FHIT: variants seen among roughly 807,000 people sequenced by gnomAD.
FHIT encodes the protein fragile histidine triad diadenosine triphosphatase, also known as bis(5'-adenosyl)-triphosphatase.
FHIT carries 19 observed loss-of-function variants against 17.9 expected under a neutral mutation model. The observed-to-expected ratio is 1.06, with a 90% CI of 0.74 to 1.56. FHIT has a LOEUF of 1.56. Ranked by LOEUF, FHIT falls within the 40% of genes most tolerant of loss-of-function variation. The pLI, the probability that FHIT is intolerant of heterozygous loss-of-function variation, is 0.00. For missense variants in FHIT, 248 were observed against 189.2 expected, an observed-to-expected ratio of 1.31 and a Z score of -1.82; for synonymous variants, 81 against 69.7, an observed-to-expected ratio of 1.16 and a Z score of -0.81.
intron 4 of FHIT, among the ~76,000 whole-genome samples, chr3:60,731,044 T>C (rs993206900): frequency 1.3e-5 from 2 of 151,738 alleles, no homozygotes; most frequent in Non-Finnish European, 2.9e-5. Flanking sequence ...GGCAGGAGAA[T>C]TGCTTGAACT....
intron 4 of FHIT, among the ~76,000 whole-genome samples, chr3:60,637,411 G>T (rs782723153): frequency 1.3e-5 from 2 of 152,012 alleles, no homozygotes; most frequent in Non-Finnish European, 2.9e-5. Flanking sequence ...ACTCAATATG[G>T]TACCTCACAT....
At chr3:60,501,368 A>G (rs1237849631) in intron 5 of FHIT, among the ~76,000 whole-genome samples, 1 of 152,226 alleles carries the variant, frequency 6.6e-6, no homozygotes, top group African/African-American at 2.4e-5. Flanking sequence ...CCAGAGTTGC[A>G]ATACTATCCC....
At chr3:59,830,087 C>T (rs967292994) in intron 8 of FHIT, among the ~76,000 whole-genome samples, 1 of 151,908 alleles carries the variant, frequency 6.6e-6, no homozygotes, top group Non-Finnish European at 1.5e-5. Flanking sequence ...CAAAGCAAAA[C>T]AAAACAACCC....
At chr3:61,193,104 TA>T (rs1205921549) in intron 2 of FHIT, among the ~76,000 whole-genome samples, 1 of 152,192 alleles carries the variant, frequency 6.6e-6, no homozygotes, top group East Asian at 1.9e-4. Context: ...CAAAAAAGCC[TA>T]AATTCATTGA....
intron 5 of FHIT, among the ~76,000 whole-genome samples, chr3:60,270,881 A>G (rs1007435767): frequency 6.6e-6 from 1 of 152,234 alleles, no homozygotes; most frequent in Admixed American, 6.5e-5. Context: ...CACAGTGCAC[A>G]GCAGACTGAC....
chr3:60,828,154 G>A (rs1280810863), intron 3 of FHIT, among the ~76,000 whole-genome samples: 1 of 152,048 alleles, frequency 6.6e-6, no homozygotes, highest in Non-Finnish European at 1.5e-5. Flanking sequence ...TTATTAGGGG[G>A]ATTCAGTGAG....
intron 3 of FHIT, among the ~76,000 whole-genome samples, chr3:60,907,426 T>A (rs1322540319): frequency 6.6e-6 from 1 of 152,028 alleles, no homozygotes; most frequent in African/African-American, 2.4e-5. Context: ...AGAGACAAAA[T>A]AACTAAGTGA....
chr3:60,565,706 A>G (rs994981457), intron 4 of FHIT, among the ~76,000 whole-genome samples: 1 of 152,208 alleles, frequency 6.6e-6, no homozygotes, highest in Non-Finnish European at 1.5e-5. Context: ...CTTTTCAAAA[A>G]ACCAGCTCCT....
At chr3:59,851,300 A>G (rs1243183946) in intron 8 of FHIT, among the ~76,000 whole-genome samples, 1 of 152,232 alleles carries the variant, frequency 6.6e-6, no homozygotes, top group Non-Finnish European at 1.5e-5. Flanking sequence ...AATGTCAGGT[A>G]AAATGTAATA....
At chr3:60,503,238 C>T (rs1460550460) in intron 5 of FHIT, among the ~76,000 whole-genome samples, 1 of 152,146 alleles carries the variant, frequency 6.6e-6, no homozygotes, top group Non-Finnish European at 1.5e-5. Context: ...TAGCATAATA[C>T]ATTCTCACTT....
At chr3:60,827,165 CA>C (rs1702155018) in intron 3 of FHIT, among the ~76,000 whole-genome samples, 1 of 152,106 alleles carries the variant, frequency 6.6e-6, no homozygotes, top group Admixed American at 6.6e-5. Flanking sequence ...TCTGTGAAGG[CA>C]AAAAAGTTTG....
At chr3:61,057,010 T>C (rs969581500) in intron 2 of FHIT, among the ~76,000 whole-genome samples, 2 of 152,192 alleles carry the variant, frequency 1.3e-5, no homozygotes, top group Non-Finnish European at 2.9e-5. Flanking sequence ...ATATGAATTG[T>C]CCCAGTAATA....
At chr3:60,075,531 A>G (rs1702966384) in intron 5 of FHIT, among the ~76,000 whole-genome samples, 1 of 152,156 alleles carries the variant, frequency 6.6e-6, no homozygotes, top group Admixed American at 6.6e-5. Flanking sequence ...GCAATGGTCA[A>G]ATGAGTTTGG....
chr3:59,979,147 G>C (rs962218206), intron 7 of FHIT, among the ~76,000 whole-genome samples: 2 of 152,088 alleles, frequency 1.3e-5, no homozygotes, highest in East Asian at 1.9e-4. Context: ...GTCACACTGA[G>C]GCTGAGAGAG....
chr3:61,147,291 G>T (rs1217253283), intron 2 of FHIT, among the ~76,000 whole-genome samples: 4 of 152,144 alleles, frequency 2.6e-5, no homozygotes, highest in African/African-American at 9.6e-5. Flanking sequence ...ATTACCTAGG[G>T]AGCTTAGGCG....
chr3:60,312,557 T>C (rs1708994715), intron 5 of FHIT, among the ~76,000 whole-genome samples: 1 of 152,166 alleles, frequency 6.6e-6, no homozygotes, highest in South Asian at 2.1e-4. Context: ...AAGTTTAGTG[T>C]GAAAACAAAT....
chr3:60,525,909 C>G (rs566740063), intron 5 of FHIT, among the ~76,000 whole-genome samples: 33 of 152,120 alleles, frequency 2.2e-4, no homozygotes, highest in African/African-American at 7.7e-4. Context: ...TTGAGATCAG[C>G]CTGAGCAACA....
intron 5 of FHIT, among the ~76,000 whole-genome samples, chr3:60,444,550 G>C (rs1370800832): frequency 6.6e-6 from 1 of 152,070 alleles, no homozygotes; most frequent in Non-Finnish European, 1.5e-5. Context: ...TTGTAGGGAT[G>C]TGGATGAAAC....
intron 4 of FHIT, among the ~76,000 whole-genome samples, chr3:60,674,973 C>T (rs1553694879): frequency 6.6e-6 from 1 of 152,210 alleles, no homozygotes; most frequent in Non-Finnish European, 1.5e-5. Flanking sequence ...AAAGTACAAA[C>T]TCTGCCTTAT....
Sources: gnomAD v4.1 joint callset for allele counts (sites outside exome capture counted in the v4.1 genomes callset) on GRCh38, gnomAD v4.1.1 for gene constraint, MANE v1.5 for transcripts, NCBI Gene and HGNC (gene_info 2026-07-23, HGNC 2026-07-21) for gene names.